Variants in C9orf85 observed in about 807,000 individuals in gnomAD.
C9orf85 encodes chromosome 9 open reading frame 85, also known as uncharacterized protein C9orf85.
A neutral mutation model predicts 14.9 loss-of-function variants in C9orf85; 16 were observed. The ratio of observed to expected loss-of-function variants is 1.08; its 90% CI spans 0.73 to 1.63. The LOEUF (loss-of-function observed/expected upper bound fraction) is 1.63. Ranked by LOEUF, C9orf85 falls within the 40% of genes most tolerant of loss-of-function variation. The pLI is 0.00. For synonymous variants in C9orf85, 45 were observed against 56.8 expected, an observed-to-expected ratio of 0.79 and a Z score of 0.93; for missense variants, 172 against 186.1, an observed-to-expected ratio of 0.92 and a Z score of 0.44.
intron 1 of C9orf85, among the ~76,000 whole-genome samples, chr9:71,923,152 A>T (rs1827855810): frequency 1.3e-5 from 2 of 152,226 alleles, no homozygotes; most frequent in African/African-American, 2.4e-5. Flanking sequence ...ACCACCATCC[A>T]TCTGGTTTCC....
At chr9:71,972,621 G>A in intron 3 of C9orf85, 71 bp from the exon 4 acceptor site, 3 of 1,180,872 alleles carry the variant, frequency 2.5e-6, no homozygotes, top group Non-Finnish European at 3.5e-6. Context: ...AGTGGTAAAA[G>A]TCTTTTCAAT....
chr9:71,958,970 C>G (rs1487637583), intron 2 of C9orf85, among the ~76,000 whole-genome samples: 1 of 152,070 alleles, frequency 6.6e-6, no homozygotes, highest in Non-Finnish European at 1.5e-5. Flanking sequence ...AAATTTATAG[C>G]CTTTTCTCCT....
chr9:71,969,144 A>T (rs890924572), intron 2 of C9orf85, among the ~76,000 whole-genome samples: 1 of 152,202 alleles, frequency 6.6e-6, no homozygotes, highest in Non-Finnish European at 1.5e-5. Context: ...ACATACTGAC[A>T]TACTGATTCT....
downstream of C9orf85, among the ~76,000 whole-genome samples, chr9:71,973,806 C>G (rs970526112): frequency 2.0e-5 from 3 of 148,960 alleles, no homozygotes; most frequent in Non-Finnish European, 4.4e-5. Context: ...AATTTTTTTA[C>G]TACCCATGTT....
intron 2 of C9orf85, among the ~76,000 whole-genome samples, chr9:71,969,586 G>A (rs2147243): frequency 0.98 from 148,817 of 152,330 alleles, 72,762 homozygotes; most frequent in East Asian, 1. Context: ...TCTGTTTTCA[G>A]TATCATTGAT....
chr9:71,950,454 G>A (rs1176862720), intron 2 of C9orf85, among the ~76,000 whole-genome samples: 5 of 152,074 alleles, frequency 3.3e-5, no homozygotes, highest in African/African-American at 1.2e-4. Flanking sequence ...TGCAGCCTCT[G>A]CCTCCTGGGT....
chr9:71,968,582 T>C (rs559213424), intron 2 of C9orf85, among the ~76,000 whole-genome samples: 3 of 152,364 alleles, frequency 2.0e-5, no homozygotes, highest in East Asian at 3.9e-4. Flanking sequence ...TGCATAGAGT[T>C]AAATCTAAAA....
downstream of C9orf85, among the ~76,000 whole-genome samples, chr9:71,975,098 C>T (rs1011275448): frequency 1.3e-5 from 2 of 152,062 alleles, no homozygotes; most frequent in Non-Finnish European, 2.9e-5. Flanking sequence ...CCTGGGAATA[C>T]ATCAAAAAGT....
intron 1 of C9orf85, among the ~76,000 whole-genome samples, chr9:71,945,790 C>G (rs1259212115): frequency 6.6e-6 from 1 of 152,142 alleles, no homozygotes; most frequent in African/African-American, 2.4e-5. Flanking sequence ...TCTTTCTCCC[C>G]TTGAGAAATT....
intron 1 of C9orf85, among the ~76,000 whole-genome samples, chr9:71,919,352 G>T (rs1160324045): frequency 2.6e-5 from 4 of 152,174 alleles, no homozygotes; most frequent in African/African-American, 9.7e-5. Context: ...CTCAGCCAAT[G>T]GGCATCAGCA....
At chr9:71,976,037 G>A (rs1392347509), downstream of C9orf85, among the ~76,000 whole-genome samples, 2 of 152,172 alleles carry the variant, frequency 1.3e-5, no homozygotes, top group Non-Finnish European at 2.9e-5. Flanking sequence ...ATCACCTAGT[G>A]ACATATATTA....
intron 1 of C9orf85, among the ~76,000 whole-genome samples, chr9:71,915,088 A>G (rs1827613297): frequency 6.6e-6 from 1 of 152,068 alleles, no homozygotes; most frequent in Non-Finnish European, 1.5e-5. Flanking sequence ...CAATTTACCT[A>G]TAGCTTTTAA....
chr9:71,941,490 A>G (rs1203366168), intron 1 of C9orf85, among the ~76,000 whole-genome samples: 1 of 152,244 alleles, frequency 6.6e-6, no homozygotes, highest in Admixed American at 6.5e-5. Context: ...GATATAGTTA[A>G]GCCTGTAAAC....
downstream of C9orf85, among the ~76,000 whole-genome samples, chr9:71,976,562 T>C (rs952604248): frequency 2.0e-4 from 30 of 151,092 alleles, no homozygotes; most frequent in Admixed American, 1.1e-3. Flanking sequence ...CTTGCGAGGC[T>C]GAGGCAGGAG....
intron 1 of C9orf85, among the ~76,000 whole-genome samples, chr9:71,930,771 C>G (rs573539382): frequency 7.1e-6 from 1 of 140,800 alleles, no homozygotes; most frequent in South Asian, 2.2e-4. Flanking sequence ...CACCACTGCA[C>G]TCTATCTGGG....
intron 2 of C9orf85, among the ~76,000 whole-genome samples, chr9:71,964,282 T>G (rs866328786): frequency 1.2e-4 from 18 of 152,102 alleles, no homozygotes; most frequent in African/African-American, 3.4e-4. Context: ...AGGATGTGGG[T>G]GGGGCCAGAG....
chr9:71,944,403 T>C (rs1001283719), intron 1 of C9orf85, among the ~76,000 whole-genome samples: 9 of 152,172 alleles, frequency 5.9e-5, no homozygotes, highest in African/African-American at 1.9e-4. Context: ...CAGTGGACTC[T>C]TCCACTGAAG....
At chr9:71,925,957 T>C (rs1232021113) in intron 1 of C9orf85, among the ~76,000 whole-genome samples, 1 of 152,210 alleles carries the variant, frequency 6.6e-6, no homozygotes, top group Non-Finnish European at 1.5e-5. Flanking sequence ...AACAACTTTC[T>C]AAAGTGGGGA....
At chr9:71,919,309 G>T (rs1157742281) in intron 1 of C9orf85, among the ~76,000 whole-genome samples, 2 of 152,176 alleles carry the variant, frequency 1.3e-5, no homozygotes, top group African/African-American at 4.8e-5. Flanking sequence ...AGTGTGAGTG[G>T]TGAAGTGCCA....
Sources: gnomAD v4.1 joint callset for allele counts (sites outside exome capture counted in the v4.1 genomes callset) on GRCh38, gnomAD v4.1.1 for gene constraint, MANE v1.5 for transcripts, NCBI Gene and HGNC (gene_info 2026-07-23, HGNC 2026-07-21) for gene names.